Variants in WDR19 observed in about 807,000 individuals in gnomAD.
WDR19 encodes the protein WD repeat domain 19, also known as WD repeat-containing protein 19.
WDR19 carries 121 observed loss-of-function variants against 180.0 expected under a neutral mutation model. The ratio of observed to expected loss-of-function variants is 0.67; its 90% CI spans 0.58 to 0.78. WDR19 has a LOEUF of 0.78. Ranked by LOEUF, WDR19 falls within the 30% of genes least tolerant of loss-of-function variation. WDR19 has a pLI of 0.00. For synonymous variants in WDR19, 497 were observed against 540.7 expected (o/e 0.92, Z 1.12); for missense variants, 1,450 against 1,640.7 (o/e 0.88, Z 2.01).
At chr4:39,272,491 C>A (rs965294353) in intron 31 of WDR19, among the ~76,000 whole-genome samples, 5 of 152,222 alleles carry the variant, frequency 3.3e-5, no homozygotes, top group Non-Finnish European at 7.3e-5. Flanking sequence ...CCCCTGCTGA[C>A]TCTCGAGGCT....
intron 20 of WDR19, 103 bp downstream of exon 20, chr4:39,234,978 T>G (rs1731236866): frequency 4.4e-6 from 3 of 680,872 alleles, no homozygotes; most frequent in Non-Finnish European, 7.5e-6. Context: ...ATTTAATAAT[T>G]TTTTTAGAGA....
At position 39,182,573 on chromosome 4, in the gene WDR19, TTA is replaced by T; in HGVS notation, c.6+11_6+12del. 1 of 1,613,604 alleles carries T rather than the reference TTA, an allele frequency of 6.2e-7. No individual in the cohort carries two copies. Among genetic ancestry groups the T allele is most frequent in the Non-Finnish European group, 8.5e-7 (1 of 1,179,724 alleles). ...GAGCGTGGAGATGAAGGTAAATAAC[TTA>T]CAAATTCCCGGGGTGGGGCGGGAAA... On this transcript the variant is annotated intron_variant, in intron 1 of 36. Transcript: ENST00000399820.
rs542816951 is a variant in WDR19 at position 39,281,232 on chromosome 4, T to TAGAGAG, written c.*13+2570_*13+2571insGAGAGA. Reference sequence around the variant, plus strand: ...GTGTGTGTGTATATATATATATATATATATAGAGAGAGAGAGAGAGAGAGA... The same window carrying TAGAGAG: ...GTGTGTGTGTATATATATATATATATAGAGAGATATAGAGAGAGAGAGAGAGAGAGA... On this transcript the variant is annotated intron_variant, in intron 36 of 36. Coordinates refer to ENST00000399820, the MANE Select transcript of WDR19 (RefSeq NM_025132.4). Among the ~76,000 whole-genome samples, 88 of 100,942 alleles carry TAGAGAG rather than the reference T, an allele frequency of 8.7e-4. 1 individual carries two copies. Among genetic ancestry groups the TAGAGAG allele is most frequent in the African/African-American group, 2.2e-3 (42 of 18,944 alleles). 66.2% of individuals were successfully genotyped at this position (100,942 alleles called of 152,430 possible).
intron 6 of WDR19, among the ~76,000 whole-genome samples, chr4:39,200,956 TTTGA>T (rs1314103199): frequency 6.6e-6 from 1 of 152,122 alleles, no homozygotes; most frequent in Non-Finnish European, 1.5e-5. Flanking sequence ...TCAATGAAAG[TTTGA>T]TTGTGAGTCT....
intron 9 of WDR19, among the ~76,000 whole-genome samples, chr4:39,207,079 C>T (rs1262347737): frequency 6.6e-6 from 1 of 152,040 alleles, no homozygotes. Context: ...AGAAATGCTC[C>T]AAGAGGTAAG....
chr4:39,247,913 A>C (rs1481235879), intron 24 of WDR19, among the ~76,000 whole-genome samples: 1 of 152,242 alleles, frequency 6.6e-6, no homozygotes, highest in Non-Finnish European at 1.5e-5. Context: ...GAATGGAACC[A>C]AGTTGGAAAA....
At chr4:39,271,169 T>G (rs13122582) in intron 31 of WDR19, among the ~76,000 whole-genome samples, 12,603 of 152,274 alleles carry the variant, frequency 0.083, 660 homozygotes, top group East Asian at 0.2. Context: ...AGTGCTGGGA[T>G]TACAGGCGTG....
At position 39,239,819 on chromosome 4, in the gene WDR19, C is replaced by T. The variant is rs988490828; in HGVS notation, c.2364-458C>T. On this transcript the variant is annotated intron_variant, in intron 20 of 36. Transcript: ENST00000399820. ...GAAAGAATGCATCTGTAGTGTTCCA[C>T]ATCTTTTGTGAGCTTAAGCAACTCA... 2.0e-5 allele frequency among the ~76,000 whole-genome samples: 3 copies of T among 152,304 alleles called. 1 individual carries two copies. The highest frequency in any genetic ancestry group is 4.1e-4 in the South Asian group (2 of 4,826).
intron 31 of WDR19, among the ~76,000 whole-genome samples, chr4:39,270,895 A>ATT (rs33964549): frequency 0.47 from 63,714 of 136,898 alleles, 16,042 homozygotes; most frequent in African/African-American, 0.6. Flanking sequence ...ATAGAAAAGA[A>ATT]TTTTTTTTTT....
chr4:39,257,274 A>T (rs1451217652), intron 27 of WDR19, among the ~76,000 whole-genome samples: 1 of 152,218 alleles, frequency 6.6e-6, no homozygotes, highest in Non-Finnish European at 1.5e-5. Context: ...TCAGGACTAG[A>T]TTCTTCAGAG....
At chr4:39,257,225 C>A (rs1463574074) in intron 27 of WDR19, among the ~76,000 whole-genome samples, 1 of 152,138 alleles carries the variant, frequency 6.6e-6, no homozygotes, top group Non-Finnish European at 1.5e-5. Flanking sequence ...ATAATTAAAT[C>A]TTCCTACTGA....
chr4:39,224,050 G>A (rs890234335), intron 14 of WDR19, among the ~76,000 whole-genome samples: 1 of 152,028 alleles, frequency 6.6e-6, no homozygotes, highest in Non-Finnish European at 1.5e-5. Flanking sequence ...TACAAGTCCT[G>A]GGCATGTTAT....
chr4:39,197,782 G>A lies in WDR19; in HGVS notation c.407-1696G>A, dbSNP rs534827144. Among the ~76,000 whole-genome samples, 294 of 152,272 alleles carry A rather than the reference G, an allele frequency of 1.9e-3. 1 individual carries two copies. Among genetic ancestry groups the A allele is most frequent in the African/African-American group, 6.6e-3 (276 of 41,546 alleles). Reference sequence around the variant, plus strand: ...TTCTTAACACAAGTCTTACTGAGGTGCATTCAAACAGGTACATCAGTATTA... The same window carrying A: ...TTCTTAACACAAGTCTTACTGAGGTACATTCAAACAGGTACATCAGTATTA... On this transcript the variant is annotated intron_variant, in intron 5 of 36. Coordinates refer to ENST00000399820, the MANE Select transcript of WDR19 (RefSeq NM_025132.4).
At chr4:39,227,911 A>G (rs2109356836) in intron 15 of WDR19, among the ~76,000 whole-genome samples, 1 of 152,302 alleles carries the variant, frequency 6.6e-6, no homozygotes, top group East Asian at 1.9e-4. Flanking sequence ...TGTCATCCTG[A>G]GCAGCTTTAA....
intron 6 of WDR19, among the ~76,000 whole-genome samples, chr4:39,201,045 G>A (rs1029845356): frequency 5.9e-5 from 9 of 152,118 alleles, no homozygotes; most frequent in African/African-American, 9.7e-5. Flanking sequence ...TAAAACTTCA[G>A]GGGCCGGAAG....
At chr4:39,277,286 A>G in intron 34 of WDR19, 143 bp downstream of exon 34, 2 of 914,616 alleles carry the variant, frequency 2.2e-6, no homozygotes, top group Non-Finnish European at 3.1e-6. Flanking sequence ...TTTATTTCAT[A>G]GTCAATACAG....
At chr4:39,217,623 G>C (rs1271088396) in intron 13 of WDR19, among the ~76,000 whole-genome samples, 1 of 152,134 alleles carries the variant, frequency 6.6e-6, no homozygotes, top group Non-Finnish European at 1.5e-5. Flanking sequence ...TGTGTGGGGG[G>C]GTCTTTGAAA....
At chr4:39,234,311 A>G (rs1353909554) in intron 19 of WDR19, among the ~76,000 whole-genome samples, 1 of 152,174 alleles carries the variant, frequency 6.6e-6, no homozygotes, top group Non-Finnish European at 1.5e-5. Flanking sequence ...TACATTTGCT[A>G]TTACTCTTGT....
In WDR19 at chr4:39,271,343, T is replaced by C. The variant is rs116032586; in HGVS notation, c.3483+1243T>C. 1.8e-3 allele frequency among the ~76,000 whole-genome samples: 273 copies of C among 152,372 alleles called. 1 individual carries two copies. Among genetic ancestry groups the C allele is most frequent in the African/African-American group, 6.3e-3 (260 of 41,594 alleles). On this transcript the variant is annotated intron_variant, in intron 31 of 36. Transcript: ENST00000399820. ...TGTTTAGTTGTGTATATTCTGTTTT[T>C]TAAATCAGTAATTATCAATACAAAC...
Sources: gnomAD v4.1 joint callset for allele counts (sites outside exome capture counted in the v4.1 genomes callset) on GRCh38, gnomAD v4.1.1 for gene constraint, MANE v1.5 for transcripts, NCBI Gene and HGNC (gene_info 2026-07-23, HGNC 2026-07-21) for gene names.